Variants in RBMS3 observed in about 807,000 individuals in gnomAD.
RBMS3 encodes the protein RNA binding motif single stranded interacting protein 3.
A neutral mutation model predicts 66.8 loss-of-function variants in RBMS3; 27 were observed. The ratio of observed to expected loss-of-function variants is 0.40; its 90% confidence interval spans 0.30 to 0.56. RBMS3 has a LOEUF of 0.56. RBMS3 is among the 20% of genes least tolerant of loss of function. RBMS3 has a pLI of 0.40. For missense variants in RBMS3, 513 were observed against 549.5 expected, an observed-to-expected ratio of 0.93 and a Z score of 0.66; for synonymous variants, 188 against 183.0, an observed-to-expected ratio of 1.03 and a Z score of -0.22.
intron 8 of RBMS3, among the ~76,000 whole-genome samples, chr3:29,891,145 G>A (rs561303312): frequency 2.0e-5 from 3 of 151,624 alleles, no homozygotes; most frequent in African/African-American, 4.8e-5. Context: ...AGAGTTAAAC[G>A]GTCTGTATCT....
chr3:29,363,426 GGAT>G (rs1410514208), intron 1 of RBMS3, among the ~76,000 whole-genome samples: 1 of 152,120 alleles, frequency 6.6e-6, no homozygotes, highest in African/African-American at 2.4e-5. Flanking sequence ...AATGTGAAAA[GGAT>G]GATGAAGGCT....
intron 12 of RBMS3, among the ~76,000 whole-genome samples, chr3:29,979,383 A>G (rs1237115260): frequency 6.6e-6 from 1 of 152,216 alleles, no homozygotes; most frequent in Non-Finnish European, 1.5e-5. Flanking sequence ...ATTCAGTTTT[A>G]CTAAAACAAA....
chr3:29,768,878 C>T (rs772403452), intron 6 of RBMS3, among the ~76,000 whole-genome samples: 1 of 151,898 alleles, frequency 6.6e-6, no homozygotes, highest in Non-Finnish European at 1.5e-5. Context: ...TCTCAGCTTC[C>T]TGACATCAGC....
intron 1 of RBMS3, among the ~76,000 whole-genome samples, chr3:29,289,941 T>C (rs943326342): frequency 6.6e-6 from 1 of 151,884 alleles, no homozygotes; most frequent in African/African-American, 2.4e-5. Flanking sequence ...GAATTTAATA[T>C]GGATTTTTTT....
chr3:29,828,908 T>A (rs561318675), intron 6 of RBMS3, among the ~76,000 whole-genome samples: 1 of 152,362 alleles, frequency 6.6e-6, no homozygotes, highest in Non-Finnish European at 1.5e-5. Flanking sequence ...TGTTCAGTAA[T>A]AACCCATATA....
intron 1 of RBMS3, among the ~76,000 whole-genome samples, chr3:29,303,972 A>T (rs1345687092): frequency 1.3e-5 from 2 of 151,912 alleles, no homozygotes; most frequent in Non-Finnish European, 2.9e-5. Context: ...CTCTCATGAG[A>T]CTTATTCACT....
chr3:29,336,531 C>G (rs970681909), intron 1 of RBMS3, among the ~76,000 whole-genome samples: 2 of 151,990 alleles, frequency 1.3e-5, no homozygotes, highest in African/African-American at 4.8e-5. Context: ...ATGGCAATGA[C>G]TTTATTGCGG....
At chr3:29,331,514 A>G (rs1007091799) in intron 1 of RBMS3, among the ~76,000 whole-genome samples, 3 of 151,980 alleles carry the variant, frequency 2.0e-5, no homozygotes, top group African/African-American at 7.3e-5. Context: ...TTCCTTCCCA[A>G]TTATCCGGGG....
chr3:29,701,328 TA>T (rs2052564961), intron 4 of RBMS3, among the ~76,000 whole-genome samples: 1 of 151,640 alleles, frequency 6.6e-6, no homozygotes, highest in East Asian at 1.9e-4. Context: ...GTTACCTCCG[TA>T]AAAAACAAGC....
chr3:29,862,875 A>AT (rs2059252910), intron 6 of RBMS3, among the ~76,000 whole-genome samples: 1 of 151,828 alleles, frequency 6.6e-6, no homozygotes, highest in African/African-American at 2.4e-5. Flanking sequence ...AAAAAAAAAA[A>AT]AAAGGAAGTG....
chr3:29,879,370 T>C (rs982518403), intron 7 of RBMS3, among the ~76,000 whole-genome samples: 8 of 152,142 alleles, frequency 5.3e-5, no homozygotes, highest in African/African-American at 1.9e-4. Context: ...AATTAACTTA[T>C]TTTTTATTGA....
rs1039246783 is a variant in RBMS3 at position 29,917,446 on chromosome 3, A to T, written c.939+17691A>T. ...ATGTACCAGATATGTGCTGCACCAT[A>T]TTCAGAGATTTAATGCAGTATAAAT... On this transcript the variant is annotated intron_variant, in intron 10 of 14. Coordinates refer to ENST00000383767, the MANE Select transcript of RBMS3 (RefSeq NM_001003793.3). 1.3e-4 allele frequency among the ~76,000 whole-genome samples: 20 copies of T among 152,148 alleles called. 1 individual carries two copies. The highest frequency in any genetic ancestry group is 4.1e-4 in the African/African-American group (17 of 41,456).
chr3:29,651,893 A>C (rs2149214635), intron 4 of RBMS3, among the ~76,000 whole-genome samples: 1 of 148,878 alleles, frequency 6.7e-6, no homozygotes, highest in Non-Finnish European at 1.5e-5. Flanking sequence ...TAAATAATAT[A>C]ATTTCACTTA....
intron 1 of RBMS3, among the ~76,000 whole-genome samples, chr3:29,419,514 C>A (rs1276332093): frequency 2.0e-5 from 3 of 152,044 alleles, no homozygotes; most frequent in African/African-American, 7.2e-5. Flanking sequence ...AATTAGATCT[C>A]TTCTTCAAGT....
chr3:29,814,944 A>G (rs892076002), intron 6 of RBMS3, among the ~76,000 whole-genome samples: 4 of 152,160 alleles, frequency 2.6e-5, no homozygotes, highest in African/African-American at 9.7e-5. Context: ...AAAGTTACAG[A>G]ATGAGTGTTT....
chr3:29,690,100 A>G (rs1026095381), intron 4 of RBMS3, among the ~76,000 whole-genome samples: 20 of 151,844 alleles, frequency 1.3e-4, no homozygotes, highest in African/African-American at 4.6e-4. Flanking sequence ...CACAATATAT[A>G]GAATAATATA....
intron 1 of RBMS3, among the ~76,000 whole-genome samples, chr3:29,360,194 A>G (rs2037487689): frequency 6.7e-6 from 1 of 150,302 alleles, no homozygotes; most frequent in African/African-American, 2.5e-5. Flanking sequence ...AGTGCTATAA[A>G]TTTCCCTCTA....
chr3:29,556,814 G>A lies in RBMS3; in HGVS notation c.308-30300G>A, dbSNP rs193092440. Among the ~76,000 whole-genome samples, 572 of 152,212 alleles carry A rather than the reference G, an allele frequency of 3.8e-3. 13 individuals carry two copies. The highest frequency in any genetic ancestry group is 0.028 in the Admixed American group (426 of 15,298). ...GCTGCTTTGCCTGCAGACAAACAGAGCCAAGAGCCTCTAGAAGTCCAAGCA... is the reference window on the plus strand; with the variant it reads ...GCTGCTTTGCCTGCAGACAAACAGAACCAAGAGCCTCTAGAAGTCCAAGCA... On this transcript the variant is annotated intron_variant, in intron 3 of 14. Transcript: ENST00000383767.
intron 4 of RBMS3, among the ~76,000 whole-genome samples, chr3:29,678,105 C>A (rs185097480): frequency 3.4e-4 from 52 of 152,290 alleles, no homozygotes; most frequent in African/African-American, 1.3e-3. Context: ...AGGAACCAGT[C>A]CTTCCATCAT....
Sources: allele counts gnomAD v4.1 joint callset (sites outside exome capture counted in the v4.1 genomes callset), GRCh38; gene constraint gnomAD v4.1.1; transcripts MANE v1.5; gene names NCBI Gene and HGNC (gene_info 2026-07-23, HGNC 2026-07-21).